The following APEH variants were observed in gnomAD, a reference collection of about 807,000 sequenced individuals.
The protein encoded by APEH is acylamino-acid-releasing enzyme.
APEH carries 75 observed loss-of-function variants against 102.7 expected under a neutral mutation model. The observed-to-expected ratio is 0.73, with a 90% CI of 0.61 to 0.89. The LOEUF is 0.89. Among genes scored for constraint, APEH ranks in the 40% least tolerant of loss-of-function variants. The pLI is 0.00. For missense variants in APEH, 863 were observed against 941.2 expected (o/e 0.92, Z 1.09); for synonymous variants, 344 against 362.7 (o/e 0.95, Z 0.59).
intron 2 of APEH, 28 bp downstream of exon 2, chr3:49,674,649 C>A (rs757243430): frequency 5.7e-6 from 9 of 1,578,444 alleles, no homozygotes; most frequent in Middle Eastern, 1.8e-4. Context: ...AACTGGCTGG[C>A]GACGGGGTCG....
At position 49,677,555 on chromosome 3, in the gene APEH, C is replaced by T; in HGVS notation, c.1000-18C>T. ...CTGCCTGTCCCCTACTGGACCTGAC[C>T]ATTGTGTTCTCTTGCAGTATGACTG... On this transcript the variant is annotated intron_variant, in intron 10 of 21. Transcript: ENST00000296456. The T allele has an allele frequency of 6.2e-7, 1 of 1,610,726 alleles. No homozygotes were observed. The highest frequency in any genetic ancestry group is 8.5e-7 in the Non-Finnish European group (1 of 1,176,974).
At position 49,675,301 on chromosome 3, in the gene APEH, C is replaced by T. The variant is rs201654412; in HGVS notation, c.264C>T (p.Thr88=). The part of the protein sequence containing the change: ...FAGPAGNSVE[T]RGELLSRESP... ...GACCTGCAGGCAACAGTGTGGAGAC[C>T]CGGGGGGAGTAAGTTTGAGGGAGGA... The change falls in exon 3 of 22, where the codon ACC becomes ACT. Residue 88 remains threonine, a synonymous_variant. Coordinates refer to ENST00000296456, the MANE Select transcript of APEH (RefSeq NM_001640.4). 6 of 1,613,690 alleles carry T rather than the reference C, an allele frequency of 3.7e-6. No individual in the cohort carries two copies. Among genetic ancestry groups the T allele is most frequent in the Admixed American group, 3.3e-5 (2 of 59,968 alleles).
upstream of APEH, among the ~76,000 whole-genome samples, chr3:49,673,801 C>CCTCACCCTCACGCTCACGCTCACG (rs1553671752): frequency 2.7e-5 from 4 of 145,580 alleles, no homozygotes; most frequent in Non-Finnish European, 6.0e-5. Flanking sequence ...CAACCCTCAC[C>CCTCACCCTCACGCTCACGCTCACG]CTCACGCTCA....
At position 49,683,836 on chromosome 3, in the gene APEH, C is replaced by T; in HGVS notation, c.*494C>T. On this transcript the variant is annotated 3_prime_UTR_variant, in exon 22 of 22. Transcript: ENST00000296456. ...AGGGACATTGCCTTGGTTGGGGAAGCCCCTAGGCTGGACAGATCACCTAGC... is the reference window on the plus strand; with the variant it reads ...AGGGACATTGCCTTGGTTGGGGAAGTCCCTAGGCTGGACAGATCACCTAGC... The T allele has an allele frequency of 1.2e-6, 1 of 817,896 alleles. No homozygotes were observed. Among genetic ancestry groups the T allele is most frequent in the South Asian group, 1.9e-5 (1 of 51,812 alleles). The allele number at this position is 817,896 out of a possible 1,614,324, so 50.7% of individuals were successfully genotyped here. A position where few individuals can be genotyped will look rare whatever the true frequency, so the allele number is the denominator to read the frequency against.
In APEH at chr3:49,683,396, G is replaced by A; in HGVS notation, c.*54G>A. ...GCCTGTGCCACACTTCGCTCTTGAG[G>A]AGCTCAACGGTCTGGCAGGGCAGCA... is the stretch of plus-strand genomic sequence containing the variant. On this transcript the variant is annotated 3_prime_UTR_variant, in exon 22 of 22. Transcript: ENST00000296456. 1.3e-6 allele frequency: 2 copies of A among 1,490,614 alleles called. No homozygotes were observed. The highest frequency in any genetic ancestry group is 1.9e-6 in the Non-Finnish European group (2 of 1,069,034). The allele number at this position is 1,490,614 out of a possible 1,614,324, so 92.3% of individuals were successfully genotyped here.
At chr3:49,677,819 C>T (rs537010854) in intron 11 of APEH, among the ~76,000 whole-genome samples, 186 bp downstream of exon 11, 4 of 152,232 alleles carry the variant, frequency 2.6e-5, no homozygotes, top group African/African-American at 7.2e-5. Flanking sequence ...GGGCTGTCAC[C>T]GTAGGGAACA....
chr3:49,675,585 CTGGTG>C, intron 3 of APEH, 104 bp from the exon 4 acceptor site: 1 of 1,171,896 alleles, frequency 8.5e-7, no homozygotes, highest in Non-Finnish European at 1.3e-6. Flanking sequence ...GCTCCAGAAG[CTGGTG>C]TGGGGCCAGA....
chr3:49,674,735 C>T, intron 2 of APEH, 114 bp downstream of exon 2: 1 of 1,401,990 alleles, frequency 7.1e-7, no homozygotes, highest in Non-Finnish European at 9.6e-7. Flanking sequence ...GGGAGCCGGC[C>T]TGGACTTGGA....
Position 49,675,942 on chromosome 3 carries a change from A to G in APEH, c.418A>G (p.Lys140Glu). The G allele has an allele frequency of 6.2e-7, 1 of 1,614,154 alleles. No homozygotes were observed. The highest frequency in any genetic ancestry group is 8.5e-7 in the Non-Finnish European group (1 of 1,180,022). The stretch of plus-strand genomic sequence containing the variant: ...GAGCTTCAACCTGTCAGCGCTGGAG[A>G]AACATGGGCCTGTTTATGAGGATGG... ...LKSFNLSALE[K>E]HGPVYEDDCF... Residue 140 changes from lysine to glutamate, a missense_variant, in exon 5 of 22, where the codon AAA becomes GAA. Physicochemically the swap from Lys to Glu is moderately conservative, Grantham distance 56. Coordinates refer to ENST00000296456, the MANE Select transcript of APEH (RefSeq NM_001640.4).
intron 14 of APEH, 100 bp downstream of exon 14, chr3:49,680,729 GCAT>G: frequency 9.1e-7 from 1 of 1,100,400 alleles, no homozygotes; most frequent in Non-Finnish European, 1.3e-6. Context: ...TGGCTGGTCA[GCAT>G]ACAGACGGGC....
rs187833223 is a variant in APEH, at chr3:49,676,619, C to T, written c.755C>T (p.Ala252Val). ...TGATCCTGTTTACAGGCATTTTGGG[C>T]CCCTGGAGATGCTGGTGTGGTGTTT... ...ENVSPGQAFW[A>V]PGDAGVVFVG... Residue 252 changes from alanine (A) to valine (V), a missense_variant, in exon 8 of 22, where the codon GCC becomes GTC. Transcript: ENST00000296456. The T allele has an allele frequency of 6.2e-7, 1 of 1,614,216 alleles. No individual in the cohort carries two copies. The highest frequency in any genetic ancestry group is 1.1e-5 in the South Asian group (1 of 91,082).
Position 49,675,935 on chromosome 3 carries a change from G to A in APEH, c.411G>A (p.Ala137=), listed in dbSNP as rs756326423. ...NRKLKSFNLS[A]LEKHGPVYED... ...AGCTCAAGAGCTTCAACCTGTCAGC[G>A]CTGGAGAAACATGGGCCTGTTTATG... Residue 137 remains alanine (A), a synonymous_variant, in exon 5 of 22, where the codon GCG becomes GCA. Transcript: ENST00000296456. The A allele has an allele frequency of 1.4e-5, 22 of 1,614,074 alleles. No homozygotes were observed. Among genetic ancestry groups the A allele is most frequent in the African/African-American group, 6.7e-5 (5 of 74,932 alleles).
chr3:49,674,787 G>A (rs111635853), intron 2 of APEH, among the ~76,000 whole-genome samples, 166 bp downstream of exon 2: 1 of 152,174 alleles, frequency 6.6e-6, no homozygotes, highest in African/African-American at 2.4e-5. Context: ...TGTGTGGAGG[G>A]GGGGAGGGGG....
rs1321978576 is a variant in APEH at position 49,683,317 on chromosome 3, G to A, written c.2174G>A (p.Trp725Ter). 1.2e-6 allele frequency: 2 copies of A among 1,613,648 alleles called. No individual in the cohort carries two copies. Among genetic ancestry groups the A allele is most frequent in the Non-Finnish European group, 1.7e-6 (2 of 1,179,778 alleles). Reference sequence around the variant, plus strand: ...GACAGCTTCATGAATGCTGTGCTCTGGCTACGCACACACTTGGGCAGCTGA... The same window carrying A: ...GACAGCTTCATGAATGCTGTGCTCTAGCTACGCACACACTTGGGCAGCTGA... ...ESDSFMNAVL[W>*]LRTHLGS The change falls in exon 22 of 22, where the codon TGG (tryptophan) becomes TAG (stop). Residue 725 changes from tryptophan (W) to a stop codon, truncating the protein, a stop_gained. Coordinates refer to ENST00000296456, the MANE Select transcript of APEH (RefSeq NM_001640.4). LOFTEE classifies it high-confidence loss of function.
intron 2 of APEH, 113 bp from the exon 3 acceptor site, chr3:49,675,070 C>A: frequency 7.0e-7 from 1 of 1,422,982 alleles, no homozygotes; most frequent in Non-Finnish European, 9.7e-7. Context: ...TGTCTGGAGA[C>A]AGATTGAGAG....
chr3:49,677,720 C>T, intron 11 of APEH, 87 bp downstream of exon 11: 1 of 1,342,070 alleles, frequency 7.5e-7, no homozygotes, highest in Non-Finnish European at 1.1e-6. Context: ...GTTCTTCTTT[C>T]CTAGGTTCCT....
chr3:49,674,485 G>T lies in APEH; in HGVS notation c.13-4G>T. On this transcript the variant is annotated splice_region_variant and splice_polypyrimidine_tract_variant and intron_variant, in intron 1 of 21. Transcript: ENST00000296456. ...GGCCTGACCCTGGTGTGTCCCCTGC[G>T]CAGGTGCTGCTGAGCGAGCCCGAGG... 6.4e-7 allele frequency: 1 copy of T among 1,570,868 alleles called. No homozygotes were observed. The highest frequency in any genetic ancestry group is 1.8e-5 in the Admixed American group (1 of 55,684).
chr3:49,680,257 C>T lies in APEH; in HGVS notation c.1211-284C>T, dbSNP rs1454512563. 3 of 421,410 alleles carry T rather than the reference C, an allele frequency of 7.1e-6. No individual in the cohort carries two copies. The East Asian group carries it at 1.6e-4, about 22-fold the overall frequency. 26.1% of individuals were successfully genotyped at this position (421,410 alleles called of 1,614,324 possible). A position where few individuals can be genotyped will look rare whatever the true frequency, so the allele number is the denominator to read the frequency against. ...CCAACTTCCCGGTCCCAGCTGCCAC[C>T]CTGCACACAGCAGCCATCGAGGGAC... On this transcript the variant is annotated intron_variant, in intron 13 of 21. Transcript: ENST00000296456.
At chr3:49,682,970 T>C (rs1310012613) in intron 20 of APEH, 25 bp downstream of exon 20, 2 of 1,611,524 alleles carry the variant, frequency 1.2e-6, no homozygotes, top group African/African-American at 1.3e-5. Context: ...CCTTGCCCTG[T>C]GTGCTGCCCA....
Sources: allele counts gnomAD v4.1 joint callset (sites outside exome capture counted in the v4.1 genomes callset), GRCh38; gene constraint gnomAD v4.1.1; transcripts MANE v1.5; gene names NCBI Gene and HGNC (gene_info 2026-07-23, HGNC 2026-07-21).